The following PITPNC1 variants were observed in gnomAD, a reference collection of about 807,000 sequenced individuals.
The protein encoded by PITPNC1 is phosphatidylinositol transfer protein cytoplasmic 1.
PITPNC1 carries 18 observed loss-of-function variants against 44.7 expected under a neutral mutation model. The observed-to-expected ratio is 0.40, with a 90% CI of 0.28 to 0.60. The LOEUF is 0.60. PITPNC1 is among the 20% of genes least tolerant of loss of function. The pLI, the probability that PITPNC1 is intolerant of heterozygous loss-of-function variation, is 0.39. For missense variants in PITPNC1, 290 were observed against 418.4 expected, an observed-to-expected ratio of 0.69 and a Z score of 2.68; for synonymous variants, 141 against 149.6, an observed-to-expected ratio of 0.94 and a Z score of 0.42.
intron 1 of PITPNC1, among the ~76,000 whole-genome samples, chr17:67,502,949 AC>A: frequency 6.6e-6 from 1 of 152,070 alleles, no homozygotes; most frequent in Non-Finnish European, 1.5e-5. Flanking sequence ...GCATGCCACC[AC>A]TACGCCCAGC....
intron 1 of PITPNC1, among the ~76,000 whole-genome samples, chr17:67,425,193 G>GCGCGCGCGCGCGCGCGCGCGCGCACA (rs1160522771): frequency 1.9e-5 from 1 of 52,118 alleles, no homozygotes; most frequent in South Asian, 4.8e-4. Context: ...TTGTGCGCGC[G>GCGCGCGCGCGCGCGCGCGCGCGCACA]CACGCACACG....
chr17:67,575,850 C>A (rs2041138245), intron 4 of PITPNC1, among the ~76,000 whole-genome samples: 2 of 89,684 alleles, frequency 2.2e-5, no homozygotes, highest in South Asian at 3.9e-4. Flanking sequence ...TTCTTTCTTT[C>A]TTTCTTTCCT....
rs527638911 is a variant in PITPNC1, at chr17:67,632,423, T to C, written c.462+185T>C. 1.2e-4 allele frequency: 72 copies of C among 593,934 alleles called. No homozygotes were observed. In the East Asian group the frequency reaches 1.7e-3, roughly 14 times the overall value. 36.8% of individuals were successfully genotyped at this position (593,934 alleles called of 1,614,324 possible). A position where few individuals can be genotyped will look rare whatever the true frequency, so the allele number is the denominator to read the frequency against. Reference sequence around the variant, plus strand: ...GTCTCTAACTCTTCAGGGACCATCATTGGCCCTGGCTGTTACTCAATCTCC... The same window carrying C: ...GTCTCTAACTCTTCAGGGACCATCACTGGCCCTGGCTGTTACTCAATCTCC... On this transcript the variant is annotated intron_variant, in intron 6 of 8. Coordinates refer to ENST00000581322, the MANE Select transcript of PITPNC1 (RefSeq NM_012417.4).
At chr17:67,492,909 G>A (rs2039883124) in intron 1 of PITPNC1, among the ~76,000 whole-genome samples, 1 of 152,104 alleles carries the variant, frequency 6.6e-6, no homozygotes, top group Admixed American at 6.6e-5. Context: ...TCTCCTGTTG[G>A]GGGCATTTGA....
intron 1 of PITPNC1, among the ~76,000 whole-genome samples, chr17:67,513,341 C>T (rs921388786): frequency 3.4e-5 from 5 of 148,664 alleles, no homozygotes; most frequent in African/African-American, 1.0e-4. Flanking sequence ...CTGGGTGACA[C>T]AGGAAGAGTC....
At chr17:67,469,210 C>A (rs1340634495) in intron 1 of PITPNC1, among the ~76,000 whole-genome samples, 2 of 152,118 alleles carry the variant, frequency 1.3e-5, no homozygotes, top group African/African-American at 2.4e-5. Context: ...CAGGATGGCT[C>A]AGAAACTGTC....
chr17:67,402,748 T>A (rs1168017854), intron 1 of PITPNC1, among the ~76,000 whole-genome samples: 1 of 152,178 alleles, frequency 6.6e-6, no homozygotes, highest in Non-Finnish European at 1.5e-5. Context: ...TTCACTGCAA[T>A]CTTCCCCTCC....
At chr17:67,553,936 G>A (rs1287967319) in intron 4 of PITPNC1, among the ~76,000 whole-genome samples, 2 of 152,180 alleles carry the variant, frequency 1.3e-5, no homozygotes, top group South Asian at 2.1e-4. Flanking sequence ...TTCTAGCAAC[G>A]TGATATTAAA....
At chr17:67,379,296 G>A in intron 1 of PITPNC1, 1 of 985,342 alleles carries the variant, frequency 1.0e-6, no homozygotes. Flanking sequence ...CTTGGTGAGA[G>A]GGGCGATGTG....
At chr17:67,419,544 G>C (rs2038638471) in intron 1 of PITPNC1, among the ~76,000 whole-genome samples, 1 of 152,044 alleles carries the variant, frequency 6.6e-6, no homozygotes, top group Non-Finnish European at 1.5e-5. Flanking sequence ...TAGGGTATCA[G>C]GAAAATTCCG....
chr17:67,401,825 A>T (rs780870021), intron 1 of PITPNC1, among the ~76,000 whole-genome samples: 1 of 152,092 alleles, frequency 6.6e-6, no homozygotes, highest in Non-Finnish European at 1.5e-5. Context: ...CCTAGAAGAC[A>T]GAGTGAGACT....
At chr17:67,446,443 T>C (rs2039096301) in intron 1 of PITPNC1, among the ~76,000 whole-genome samples, 1 of 150,706 alleles carries the variant, frequency 6.6e-6, no homozygotes, top group African/African-American at 2.4e-5. Flanking sequence ...TAAAAGAATA[T>C]GCCAGCTTCA....
chr17:67,383,486 C>G (rs186270164), intron 1 of PITPNC1, among the ~76,000 whole-genome samples: 1 of 152,308 alleles, frequency 6.6e-6, no homozygotes, highest in East Asian at 1.9e-4. Flanking sequence ...AACCTTGTGT[C>G]TGCTTAGCGG....
intron 2 of PITPNC1, among the ~76,000 whole-genome samples, chr17:67,541,590 T>C (rs766431484): frequency 9.2e-5 from 14 of 152,210 alleles, no homozygotes; most frequent in Non-Finnish European, 2.1e-4. Flanking sequence ...ATGTACTTGA[T>C]AATCTTGCCC....
intron 2 of PITPNC1, among the ~76,000 whole-genome samples, chr17:67,548,662 A>G (rs1292672721): frequency 6.6e-6 from 1 of 152,180 alleles, no homozygotes; most frequent in Non-Finnish European, 1.5e-5. Context: ...TTGACAAGGC[A>G]TCTGGGGGAA....
At chr17:67,470,502 T>C (rs2039506092) in intron 1 of PITPNC1, among the ~76,000 whole-genome samples, 2 of 152,246 alleles carry the variant, frequency 1.3e-5, no homozygotes, top group Admixed American at 1.3e-4. Context: ...ACAGATGTAG[T>C]CTCTTGTGTC....
chr17:67,553,534 G>T (rs1385039033), intron 3 of PITPNC1, 76 bp from the exon 4 acceptor site: 4 of 617,866 alleles, frequency 6.5e-6, no homozygotes, highest in Non-Finnish European at 8.3e-6. Flanking sequence ...TTTTTATATT[G>T]CATATAAGCA....
intron 2 of PITPNC1, among the ~76,000 whole-genome samples, chr17:67,548,753 T>C (rs1263165953): frequency 6.6e-6 from 1 of 152,100 alleles, no homozygotes; most frequent in Non-Finnish European, 1.5e-5. Context: ...GATGGGCCAT[T>C]GGAGGTTTGA....
chr17:67,537,838 G>A (rs2144137492), intron 2 of PITPNC1, among the ~76,000 whole-genome samples: 1 of 152,042 alleles, frequency 6.6e-6, no homozygotes, highest in Middle Eastern at 3.4e-3. Context: ...CAGGCATGGT[G>A]GCGGGTGCCT....
Sources: gnomAD v4.1 joint callset for allele counts (sites outside exome capture counted in the v4.1 genomes callset) on GRCh38, gnomAD v4.1.1 for gene constraint, MANE v1.5 for transcripts, NCBI Gene and HGNC (gene_info 2026-07-23, HGNC 2026-07-21) for gene names.